Variants in LRRTM3 observed in about 807,000 individuals in gnomAD.
LRRTM3 encodes leucine rich repeat transmembrane neuronal 3.
Under a neutral mutation model 44.7 loss-of-function variants are expected in LRRTM3, and 24 were observed. The observed-to-expected ratio is 0.54, with a 90% CI of 0.39 to 0.76. LRRTM3 has a LOEUF of 0.76. LRRTM3 is among the 30% of genes least tolerant of loss of function. The probability of loss-of-function intolerance (pLI) is 0.00; values close to 1 mark genes in which losing one functional copy is unlikely to be tolerated. For missense variants in LRRTM3, 587 were observed against 702.2 expected (o/e 0.84, Z 1.85); for synonymous variants, 277 against 278.7 (o/e 0.99, Z 0.06).
intron 2 of LRRTM3, among the ~76,000 whole-genome samples, chr10:66,949,512 C>T (rs929021441): frequency 3.3e-5 from 5 of 151,386 alleles, no homozygotes; most frequent in East Asian, 2.0e-4. Flanking sequence ...GAGCCAAGAT[C>T]GCGCCATTGG....
intron 2 of LRRTM3, among the ~76,000 whole-genome samples, chr10:66,968,739 G>T (rs571271765): frequency 6.6e-6 from 1 of 151,914 alleles, no homozygotes; most frequent in Admixed American, 6.6e-5. Flanking sequence ...ATTTTTGGCC[G>T]GGCATGGTGG....
At chr10:66,971,232 C>G (rs930375169) in intron 2 of LRRTM3, among the ~76,000 whole-genome samples, 1 of 152,028 alleles carries the variant, frequency 6.6e-6, no homozygotes, top group Admixed American at 6.6e-5. Context: ...TCAAGACCAG[C>G]CTGACCAACA....
chr10:66,938,577 C>T (rs548630620), intron 2 of LRRTM3, among the ~76,000 whole-genome samples: 5 of 152,076 alleles, frequency 3.3e-5, no homozygotes, highest in East Asian at 1.9e-4. Context: ...GAGAAGCGAT[C>T]GGTCTTGCTG....
At chr10:67,052,840 CA>C (rs1855196298) in intron 2 of LRRTM3, 1 of 151,722 alleles carries the variant, frequency 6.6e-6, no homozygotes, top group African/African-American at 2.4e-5. Flanking sequence ...AAACAAAAAA[CA>C]AAAAATAAAT....
rs770043934 is a variant in LRRTM3, at chr10:66,926,939, T to C, written c.23T>C (p.Leu8Pro). ...TTTCCAGGTTTCAATGTAATTAGGCTACTGAGCGGATCAGCTGTAGCACTG... is the reference window on the plus strand; with the variant it reads ...TTTCCAGGTTTCAATGTAATTAGGCCACTGAGCGGATCAGCTGTAGCACTG... MGFNVIR[L>P]LSGSAVALVI... Residue 8 changes from leucine to proline, a missense_variant, in exon 2 of 3, where the codon CTA becomes CCA. This residue lies in a region of LRRTM3 where 50 missense variants were observed against 43.4 expected (regional missense o/e 1.15). Transcript: ENST00000361320. 105 of 1,592,894 alleles carry C rather than the reference T, an allele frequency of 6.6e-5. No homozygotes were observed. In the Middle Eastern group the frequency reaches 6.7e-4, roughly 10 times the overall value.
At chr10:66,941,616 T>A (rs61866209) in intron 2 of LRRTM3, among the ~76,000 whole-genome samples, 11,682 of 152,208 alleles carry the variant, frequency 0.077, 660 homozygotes, top group Non-Finnish European at 0.12. Context: ...TCAAATAAAC[T>A]GCAGAACACG....
chr10:67,011,336 C>A (rs1378807041), intron 2 of LRRTM3, among the ~76,000 whole-genome samples: 2 of 130,758 alleles, frequency 1.5e-5, no homozygotes, highest in African/African-American at 2.9e-5. Context: ...AAAAGTCTGT[C>A]TCAAAAAAAA....
rs1486519018 is a variant in LRRTM3, at chr10:67,098,388, C to T, written c.*592C>T. 1 of 152,082 alleles carries T rather than the reference C, an allele frequency of 6.6e-6. No homozygotes were observed. The highest frequency in any genetic ancestry group is 2.4e-5 in the African/African-American group (1 of 41,308). 9.4% of individuals were successfully genotyped at this position (152,082 alleles called of 1,614,324 possible). ...TTATCTACTTGTTCCAGAAATAATACATTAACCAAAAAGGATTTAATTGTT... is the reference window on the plus strand; with the variant it reads ...TTATCTACTTGTTCCAGAAATAATATATTAACCAAAAAGGATTTAATTGTT... On this transcript the variant is annotated 3_prime_UTR_variant, in exon 3 of 3. Coordinates refer to ENST00000361320, the MANE Select transcript of LRRTM3 (RefSeq NM_178011.5).
At chr10:67,033,858 C>G (rs1450251063) in intron 2 of LRRTM3, among the ~76,000 whole-genome samples, 1 of 152,118 alleles carries the variant, frequency 6.6e-6, no homozygotes. Flanking sequence ...GCAACCTCTG[C>G]CTCCCGGGTT....
intron 2 of LRRTM3, among the ~76,000 whole-genome samples, chr10:67,038,961 C>A (rs1046147625): frequency 2.6e-5 from 4 of 152,006 alleles, no homozygotes; most frequent in African/African-American, 4.8e-5. Flanking sequence ...TGAGAAGATT[C>A]ATGATAGATA....
rs970257548 is a variant in LRRTM3, at chr10:67,098,026, T to C, written c.*230T>C. The stretch of plus-strand genomic sequence containing the variant: ...AGTATTTTTTGACTTAAACAGAGTA[T>C]GACCCTGAAAAATAAAAGAATCTTT... On this transcript the variant is annotated 3_prime_UTR_variant, in exon 3 of 3. Transcript: ENST00000361320. 7 of 535,180 alleles carry C rather than the reference T, an allele frequency of 1.3e-5. No individual in the cohort carries two copies. Among genetic ancestry groups the C allele is most frequent in the East Asian group, 3.1e-5 (1 of 32,322 alleles). The allele number at this position is 535,180 out of a possible 1,614,324, so 33.2% of individuals were successfully genotyped here. A position where few individuals can be genotyped will look rare whatever the true frequency, so the allele number is the denominator to read the frequency against.
intron 2 of LRRTM3, among the ~76,000 whole-genome samples, chr10:66,974,935 G>T (rs1039712774): frequency 6.6e-6 from 1 of 151,760 alleles, no homozygotes; most frequent in Non-Finnish European, 1.5e-5. Flanking sequence ...TCCAGTCCAG[G>T]TCAGCACAAG....
chr10:67,075,587 ACAAAG>A (rs1856708175), intron 2 of LRRTM3, among the ~76,000 whole-genome samples: 1 of 152,218 alleles, frequency 6.6e-6, no homozygotes, highest in Non-Finnish European at 1.5e-5. Flanking sequence ...TAAGATATAG[ACAAAG>A]TGCTCCAGTC....
chr10:67,038,132 C>T lies in LRRTM3; in HGVS notation c.1537-59455C>T, dbSNP rs1410870081. ...GTTTATATGAGTATTGTAGAGCAAG[C>T]ATTTCAGAGCAAGTTATTATATTTA... On this transcript the variant is annotated intron_variant, in intron 2 of 2. Transcript: ENST00000361320. 3.3e-5 allele frequency among the ~76,000 whole-genome samples: 5 copies of T among 152,142 alleles called. No homozygotes were observed. In the South Asian group the frequency reaches 1.0e-3, roughly 32 times the overall value.
At chr10:66,982,587 A>G (rs1850502182) in intron 2 of LRRTM3, among the ~76,000 whole-genome samples, 1 of 152,184 alleles carries the variant, frequency 6.6e-6, no homozygotes, top group Non-Finnish European at 1.5e-5. Flanking sequence ...TAAGAATAAA[A>G]CAGTAGGTAC....
At chr10:67,001,829 G>T (rs975904936) in intron 2 of LRRTM3, among the ~76,000 whole-genome samples, 2 of 152,140 alleles carry the variant, frequency 1.3e-5, no homozygotes. Context: ...TCTACTGACT[G>T]TATCTCTTCC....
At chr10:66,970,505 G>GGGA (rs1336631133) in intron 2 of LRRTM3, among the ~76,000 whole-genome samples, 4 of 144,636 alleles carry the variant, frequency 2.8e-5, no homozygotes, top group Admixed American at 1.4e-4. Context: ...TCTTGGGTGG[G>GGGA]GGGGGGATAC....
At chr10:67,030,184 T>G (rs965514121) in intron 2 of LRRTM3, among the ~76,000 whole-genome samples, 20 of 152,212 alleles carry the variant, frequency 1.3e-4, no homozygotes, top group African/African-American at 4.3e-4. Context: ...ACAAGGGAAG[T>G]CAGACATTCA....
intron 2 of LRRTM3, among the ~76,000 whole-genome samples, chr10:67,050,488 A>AG (rs1158263168): frequency 6.6e-6 from 1 of 152,224 alleles, no homozygotes; most frequent in East Asian, 1.9e-4. Context: ...CAGAACAGAC[A>AG]GGGAGCTTAA....
Sources: gnomAD v4.1 joint callset for allele counts (sites outside exome capture counted in the v4.1 genomes callset) on GRCh38, gnomAD v4.1.1 for gene constraint, gnomAD v4.1.1 regional missense constraint, MANE v1.5 for transcripts, NCBI Gene and HGNC (gene_info 2026-07-23, HGNC 2026-07-21) for gene names.